MTAP: variants seen among roughly 807,000 people sequenced by gnomAD.
MTAP encodes methylthioadenosine phosphorylase.
Under a neutral mutation model 33.6 loss-of-function variants are expected in MTAP, and 33 were observed. That is an observed-to-expected ratio of 0.98 (90% confidence interval 0.74 to 1.31). The LOEUF is 1.31. Among genes scored for constraint, MTAP ranks in the 40% most tolerant of loss-of-function variants. The pLI is 0.00. For synonymous variants in MTAP, 148 were observed against 125.7 expected (o/e 1.18, Z -1.19); for missense variants, 367 against 360.0 (o/e 1.02, Z -0.16).
chr9:21,805,189 T>C (rs1420286864), intron 1 of MTAP, among the ~76,000 whole-genome samples: 1 of 121,882 alleles, frequency 8.2e-6, no homozygotes, highest in Non-Finnish European at 1.6e-5. Flanking sequence ...GTACCTCTCT[T>C]CTTAAAATAG....
At chr9:21,904,196 C>T (rs1037864044) in intron 1 of MTAP, among the ~76,000 whole-genome samples, 5 of 152,298 alleles carry the variant, frequency 3.3e-5, no homozygotes, top group African/African-American at 9.6e-5. Context: ...TCTCAACATC[C>T]AGCTGCCTGT....
intron 4 of MTAP, among the ~76,000 whole-genome samples, chr9:21,818,661 A>C (rs1041338063): frequency 3.9e-5 from 6 of 152,032 alleles, no homozygotes; most frequent in African/African-American, 1.4e-4. Flanking sequence ...TTGTTTTTTA[A>C]TTTTAATTGA....
chr9:21,820,897 T>G (rs920131546), intron 4 of MTAP, among the ~76,000 whole-genome samples: 21 of 152,312 alleles, frequency 1.4e-4, no homozygotes, highest in African/African-American at 4.6e-4. Context: ...ATTGTGAATG[T>G]GAGTTCACTC....
intron 1 of MTAP, among the ~76,000 whole-genome samples, chr9:21,888,757 A>T (rs982898610): frequency 6.6e-6 from 1 of 152,028 alleles, no homozygotes; most frequent in Admixed American, 6.6e-5. Flanking sequence ...TGGCTTTGCT[A>T]GAGATCTAGA....
At chr9:21,931,254 A>G, downstream of MTAP, 1 of 626,350 alleles carries the variant, frequency 1.6e-6, no homozygotes, top group Non-Finnish European at 2.9e-6. Context: ...AGCAGGAAGC[A>G]GTTACAGAAG....
In MTAP at chr9:21,803,037, C is replaced by CACACACACACACACACACACACACACA. The variant is rs71334599; in HGVS notation, c.33+256_33+257insACACACACACACACACACACACACACA. 170 of 1,078,594 alleles carry CACACACACACACACACACACACACACA rather than the reference C, an allele frequency of 1.6e-4. 4 individuals carry two copies. Among genetic ancestry groups the CACACACACACACACACACACACACACA allele is most frequent in the South Asian group, 5.1e-4 (24 of 47,312 alleles). 66.8% of individuals were successfully genotyped at this position (1,078,594 alleles called of 1,614,324 possible). A position where few individuals can be genotyped will look rare whatever the true frequency, so the allele number is the denominator to read the frequency against. On this transcript the variant is annotated intron_variant, in intron 1 of 7. Transcript: ENST00000644715. ...ACACACACACACACACACACACACA[C>CACACACACACACACACACACACACACA]CACCTTTTGGCTTATCTGCACCCGC...
At chr9:21,882,861 T>G (rs867654338) in intron 1 of MTAP, among the ~76,000 whole-genome samples, 14 of 152,002 alleles carry the variant, frequency 9.2e-5, no homozygotes, top group Admixed American at 5.9e-4. Context: ...TTTTAAATAA[T>G]TCATATATCA....
chr9:21,889,971 G>A (rs990148680), intron 1 of MTAP, among the ~76,000 whole-genome samples: 1 of 152,092 alleles, frequency 6.6e-6, no homozygotes, highest in Non-Finnish European at 1.5e-5. Context: ...TAACTATTCA[G>A]GTTTCTCAGG....
intron 1 of MTAP, 38 bp from the exon 2 acceptor site, chr9:21,815,395 C>A: frequency 7.4e-7 from 1 of 1,358,110 alleles, no homozygotes. Flanking sequence ...ATAAAAATTA[C>A]CAAATACAAT....
chr9:21,884,425 CAT>C (rs1818073578), intron 1 of MTAP, among the ~76,000 whole-genome samples: 1 of 152,094 alleles, frequency 6.6e-6, no homozygotes, highest in Non-Finnish European at 1.5e-5. Flanking sequence ...ACCTTTCAAA[CAT>C]AATGTTAAGT....
At chr9:21,853,956 T>G (rs1825574862) in intron 5 of MTAP, among the ~76,000 whole-genome samples, 2 of 152,164 alleles carry the variant, frequency 1.3e-5, no homozygotes, top group Non-Finnish European at 2.9e-5. Context: ...TGTGCAGTAT[T>G]AAATAAAACA....
chr9:21,913,993 A>T, intron 1 of MTAP, among the ~76,000 whole-genome samples: 1 of 152,248 alleles, frequency 6.6e-6, no homozygotes, highest in Non-Finnish European at 1.5e-5. Flanking sequence ...CACTTCTCAA[A>T]AGAAGACATT....
At chr9:21,901,448 C>T (rs1018772448) in intron 1 of MTAP, among the ~76,000 whole-genome samples, 1 of 152,132 alleles carries the variant, frequency 6.6e-6, no homozygotes, top group Non-Finnish European at 1.5e-5. Context: ...CCTAATGACA[C>T]TTTGATTGAC....
chr9:21,860,437 C>G (rs1825731295), intron 7 of MTAP: 1 of 152,138 alleles, frequency 6.6e-6, no homozygotes, highest in Non-Finnish European at 1.5e-5. Context: ...GACTGACGGT[C>G]AAGAATGTTG....
chr9:21,806,679 G>T (rs959114245), intron 1 of MTAP, among the ~76,000 whole-genome samples: 2 of 152,154 alleles, frequency 1.3e-5, no homozygotes, highest in Admixed American at 6.5e-5. Flanking sequence ...CAGAGGCTAT[G>T]GGATTAACAC....
chr9:21,869,442 C>T (rs187896455), downstream of MTAP, among the ~76,000 whole-genome samples: 48 of 152,238 alleles, frequency 3.2e-4, no homozygotes, highest in African/African-American at 1.1e-3. Context: ...GATTTTCTTC[C>T]TTCATTGATG....
At chr9:21,811,530 T>C (rs1824348505) in intron 1 of MTAP, 1 of 301,644 alleles carries the variant, frequency 3.3e-6, no homozygotes, top group Non-Finnish European at 6.7e-6. Flanking sequence ...CAAGCGCACA[T>C]ACACTAAGAC....
At chr9:21,915,310 C>G (rs2131023585) in intron 1 of MTAP, among the ~76,000 whole-genome samples, 1 of 151,914 alleles carries the variant, frequency 6.6e-6, no homozygotes, top group Non-Finnish European at 1.5e-5. Flanking sequence ...CCAGGATGGT[C>G]TCAATCTCCT....
At chr9:21,914,702 C>G (rs1818644490) in intron 1 of MTAP, among the ~76,000 whole-genome samples, 1 of 151,616 alleles carries the variant, frequency 6.6e-6, no homozygotes, top group African/African-American at 2.4e-5. Flanking sequence ...ATGGGTGCAG[C>G]ACACACCAAC....
Sources: gnomAD v4.1 joint callset for allele counts (sites outside exome capture counted in the v4.1 genomes callset) on GRCh38, gnomAD v4.1.1 for gene constraint, MANE v1.5 for transcripts, NCBI Gene and HGNC (gene_info 2026-07-23, HGNC 2026-07-21) for gene names.